Variants in NAALAD2 observed in about 807,000 individuals in gnomAD.
NAALAD2 encodes N-acetylated alpha-linked acidic dipeptidase 2.
In NAALAD2, 89 loss-of-function variants were observed where a neutral mutation model predicts 95.6. The observed-to-expected ratio is 0.93, with a 90% CI of 0.78 to 1.11. NAALAD2 has a LOEUF of 1.11. NAALAD2 is among the 50% of genes least tolerant of loss of function. The pLI is 0.00. For missense variants in NAALAD2, 894 were observed against 872.4 expected (o/e 1.02, Z -0.31); for synonymous variants, 264 against 294.4 (o/e 0.90, Z 1.06).
In NAALAD2 at chr11:90,159,275, G is replaced by A. The variant is rs774344509; in HGVS notation, c.927G>A (p.Trp309Ter). The part of the protein sequence containing the change: ...LGGIAPPDKS[W>*]KGALNVSYSI... ...GAATTGCTCCACCAGATAAGAGTTG[G>A]AAGGGAGCCCTTAATGTGAGTTATA... Residue 309 changes from tryptophan (W) to a stop codon, truncating the protein, a stop_gained, in exon 8 of 19, where the codon TGG becomes TGA. Coordinates refer to ENST00000534061, the MANE Select transcript of NAALAD2 (RefSeq NM_005467.4). LOFTEE classifies it high-confidence loss of function. 3 of 1,613,728 alleles carry A rather than the reference G, an allele frequency of 1.9e-6. No homozygotes were observed.
chr11:90,159,620 T>G (rs1952226966), intron 8 of NAALAD2, among the ~76,000 whole-genome samples: 1 of 151,996 alleles, frequency 6.6e-6, no homozygotes, highest in Non-Finnish European at 1.5e-5. Flanking sequence ...TTAAAAATAG[T>G]TTTTCAAATA....
chr11:90,171,494 G>A (rs527751500), intron 13 of NAALAD2, among the ~76,000 whole-genome samples: 3 of 151,934 alleles, frequency 2.0e-5, no homozygotes, highest in Non-Finnish European at 4.4e-5. Context: ...AACCCTTTTT[G>A]GAACAGGAAT....
intron 16 of NAALAD2, among the ~76,000 whole-genome samples, chr11:90,180,066 GATGAATGAATGA>G (rs5793435): frequency 1.3e-5 from 2 of 150,574 alleles, no homozygotes; most frequent in Admixed American, 6.6e-5. Context: ...AGGTATAATT[GATGAATGAATGA>G]ATGAATGAAT....
At chr11:90,170,686 T>C (rs997122579) in intron 13 of NAALAD2, among the ~76,000 whole-genome samples, 3 of 152,190 alleles carry the variant, frequency 2.0e-5, no homozygotes, top group African/African-American at 4.8e-5. Context: ...TATTAAATCC[T>C]GAGGTGGCTG....
intron 2 of NAALAD2, among the ~76,000 whole-genome samples, chr11:90,139,496 T>G (rs1201382695): frequency 6.6e-6 from 1 of 152,166 alleles, no homozygotes; most frequent in Non-Finnish European, 1.5e-5. Context: ...CAGATATGCT[T>G]TCTCCTCAGT....
chr11:90,160,278 T>C (rs1033337996), intron 8 of NAALAD2, among the ~76,000 whole-genome samples: 2 of 151,982 alleles, frequency 1.3e-5, no homozygotes, highest in African/African-American at 2.4e-5. Context: ...TTGTACAGAG[T>C]AGTTGAACAG....
chr11:90,147,473 C>T lies in NAALAD2; in HGVS notation c.338C>T (p.Thr113Ile). 6.2e-7 allele frequency: 1 copy of T among 1,613,098 alleles called. No homozygotes were observed. Among genetic ancestry groups the T allele is most frequent in the South Asian group, 1.1e-5 (1 of 90,902 alleles). ...GTCCTCTTATCTTACCCCAATGAGA[C>T]AAATGCCAACTATATATCGATTGTG... ...YDVLLSYPNE[T>I]NANYISIVDE... The change falls in exon 3 of 19, where the codon ACA becomes ATA. Residue 113 changes from threonine (T) to isoleucine (I), a missense_variant. Transcript: ENST00000534061.
intron 16 of NAALAD2, 83 bp downstream of exon 16, chr11:90,178,200 G>A: frequency 1.4e-6 from 2 of 1,396,748 alleles, no homozygotes; most frequent in African/African-American, 1.4e-5. Context: ...AATGCATATT[G>A]TTTCATCCTA....
At chr11:90,157,675 G>A (rs1489200338) in intron 6 of NAALAD2, among the ~76,000 whole-genome samples, 1 of 151,498 alleles carries the variant, frequency 6.6e-6, no homozygotes, top group Non-Finnish European at 1.5e-5. Flanking sequence ...AAATATAAAT[G>A]ATTTATTAAA....
chr11:90,167,501 G>C (rs1168968349), intron 11 of NAALAD2, among the ~76,000 whole-genome samples: 1 of 152,202 alleles, frequency 6.6e-6, no homozygotes, highest in Non-Finnish European at 1.5e-5. Flanking sequence ...CAGTCCCATC[G>C]ACTGACCAAG....
At chr11:90,189,662 G>A (rs965555399) in intron 18 of NAALAD2, among the ~76,000 whole-genome samples, 1 of 151,952 alleles carries the variant, frequency 6.6e-6, no homozygotes, top group Non-Finnish European at 1.5e-5. Context: ...CCAGCTACTC[G>A]GGAGGCTGAG....
At chr11:90,169,115 A>T in intron 12 of NAALAD2, 123 bp downstream of exon 12, 1 of 590,798 alleles carries the variant, frequency 1.7e-6, no homozygotes, top group Admixed American at 3.8e-5. Context: ...AGCACCTCAG[A>T]TATCCCCTTC....
At chr11:90,166,630 TC>T (rs1273698740) in intron 11 of NAALAD2, among the ~76,000 whole-genome samples, 2 of 151,306 alleles carry the variant, frequency 1.3e-5, no homozygotes, top group African/African-American at 4.9e-5. Context: ...GGTCAGGAGA[TC>T]GAGACCATTC....
rs752640057 is a variant in NAALAD2, at chr11:90,163,034, G to C, written c.1075G>C (p.Asp359His). 1 of 1,537,018 alleles carries C rather than the reference G, an allele frequency of 6.5e-7. No individual in the cohort carries two copies. The highest frequency in any genetic ancestry group is 8.8e-7 in the Non-Finnish European group (1 of 1,134,438). The stretch of plus-strand genomic sequence containing the variant: ...AACTATCAGAGGATCTGTGGAACCT[G>C]GTGAGTCACATAATTTTTTAAAACA... Reference protein sequence around the residue: ...VGTIRGSVEPDRYVILGGHRD... With the variant: ...VGTIRGSVEPHRYVILGGHRD... Residue 359 changes from aspartate (D) to histidine (H), a missense_variant and splice_region_variant, in exon 9 of 19, where the codon GAC becomes CAC. Physicochemically the swap from Asp to His is moderately conservative, Grantham distance 81. Transcript: ENST00000534061.
At chr11:90,139,202 G>C (rs924521397) in intron 2 of NAALAD2, among the ~76,000 whole-genome samples, 3 of 152,090 alleles carry the variant, frequency 2.0e-5, no homozygotes, top group African/African-American at 7.2e-5. Context: ...AATCAATCTA[G>C]AACATAGGTT....
At chr11:90,152,679 G>C (rs909296514) in intron 6 of NAALAD2, among the ~76,000 whole-genome samples, 195 bp downstream of exon 6, 1 of 151,934 alleles carries the variant, frequency 6.6e-6, no homozygotes. Flanking sequence ...ATGAGATGTC[G>C]GCATGGGGAG....
chr11:90,156,004 C>T (rs1952108152), intron 6 of NAALAD2, among the ~76,000 whole-genome samples: 1 of 150,540 alleles, frequency 6.6e-6, no homozygotes, highest in Admixed American at 6.7e-5. Context: ...TTTCATCTAA[C>T]TTGCTGAATT....
chr11:90,173,795 A>G (rs751717288), intron 13 of NAALAD2, 29 bp from the exon 14 acceptor site: 3 of 1,547,822 alleles, frequency 1.9e-6, no homozygotes, highest in Non-Finnish European at 2.6e-6. Flanking sequence ...TTCTACCCCT[A>G]ATTTCCAGTA....
At chr11:90,186,064 A>T (rs993085049) in intron 18 of NAALAD2, among the ~76,000 whole-genome samples, 3 of 152,026 alleles carry the variant, frequency 2.0e-5, no homozygotes, top group Admixed American at 6.6e-5. Context: ...TTTAGGGTAC[A>T]TGTGCACATT....
Sources: gnomAD v4.1 joint callset for allele counts (sites outside exome capture counted in the v4.1 genomes callset) on GRCh38, gnomAD v4.1.1 for gene constraint, MANE v1.5 for transcripts, NCBI Gene and HGNC (gene_info 2026-07-23, HGNC 2026-07-21) for gene names.